IARS2: variants seen among roughly 807,000 people sequenced by gnomAD.
IARS2 encodes the protein isoleucine--tRNA ligase, mitochondrial.
In IARS2, 56 loss-of-function variants were observed where a neutral mutation model predicts 126.3. The ratio of observed to expected loss-of-function variants is 0.44; its 90% CI spans 0.36 to 0.55. IARS2 has a LOEUF of 0.55. Among genes scored for constraint, IARS2 ranks in the 20% least tolerant of loss-of-function variants. The pLI, the probability that IARS2 is intolerant of heterozygous loss-of-function variation, is 0.00. For synonymous variants in IARS2, 407 were observed against 441.1 expected, an observed-to-expected ratio of 0.92 and a Z score of 0.97; for missense variants, 1,127 against 1,245.9, an observed-to-expected ratio of 0.90 and a Z score of 1.44.
intron 14 of IARS2, among the ~76,000 whole-genome samples, chr1:220,128,530 C>T (rs1657197485): frequency 6.6e-6 from 1 of 152,052 alleles, no homozygotes; most frequent in South Asian, 2.1e-4. Context: ...ATGAAATCAC[C>T]TAAGGACACA....
intron 11 of IARS2, among the ~76,000 whole-genome samples, chr1:220,112,100 T>A (rs1656814838): frequency 6.6e-6 from 1 of 151,974 alleles, no homozygotes; most frequent in African/African-American, 2.4e-5. Context: ...ATTTTGTTTT[T>A]ATCTACACCC....
At chr1:220,119,018 G>A (rs1656983743) in intron 12 of IARS2, among the ~76,000 whole-genome samples, 1 of 152,138 alleles carries the variant, frequency 6.6e-6, no homozygotes, top group Non-Finnish European at 1.5e-5. Flanking sequence ...CAGAAGAAAA[G>A]TTGTCTTAAT....
chr1:220,096,905 G>A (rs562920434), intron 2 of IARS2, among the ~76,000 whole-genome samples: 1 of 152,116 alleles, frequency 6.6e-6, no homozygotes, highest in South Asian at 2.1e-4. Flanking sequence ...AATTAGCCAC[G>A]CATGGTGGCG....
intron 21 of IARS2, chr1:220,143,910 A>T: frequency 2.3e-6 from 2 of 878,552 alleles, no homozygotes; most frequent in Non-Finnish European, 3.6e-6. Flanking sequence ...AATGAATATA[A>T]TTTTTTTTCC....
At chr1:220,120,389 T>C (rs1657015322) in intron 12 of IARS2, among the ~76,000 whole-genome samples, 1 of 151,708 alleles carries the variant, frequency 6.6e-6, no homozygotes, top group Non-Finnish European at 1.5e-5. Context: ...GCCTTTTTTT[T>C]TTTTGAGATG....
chr1:220,143,943 A>G, intron 21 of IARS2: 1 of 1,192,266 alleles, frequency 8.4e-7, no homozygotes. Context: ...ATTTGTAAAT[A>G]TATGTATTAC....
intron 16 of IARS2, among the ~76,000 whole-genome samples, chr1:220,137,209 T>G (rs1295048843): frequency 6.6e-6 from 1 of 152,202 alleles, no homozygotes; most frequent in Non-Finnish European, 1.5e-5. Flanking sequence ...TTCGCACTAT[T>G]GTGTGAGGTG....
At position 220,147,509 on chromosome 1, in the gene IARS2, A is replaced by G. The variant is rs779709549; in HGVS notation, c.2913A>G (p.Glu971=). ...TTTTTATAGGTGGTGATATTCGTGA[A>G]GAGTCTTCCTATAAAGTAATTGTCA... The part of the protein sequence containing the change: ...LINLEGGDIR[E]ESSYKVIVMP... The change falls in exon 23 of 23, where the codon GAA becomes GAG. Residue 971 remains glutamate (E), a synonymous_variant. Transcript: ENST00000366922. 1 of 1,614,146 alleles carries G rather than the reference A, an allele frequency of 6.2e-7. No homozygotes were observed. The highest frequency in any genetic ancestry group is 8.5e-7 in the Non-Finnish European group (1 of 1,179,960).
chr1:220,120,381 CTT>C (rs545771444), intron 12 of IARS2, among the ~76,000 whole-genome samples: 5 of 137,500 alleles, frequency 3.6e-5, no homozygotes, highest in African/African-American at 2.7e-5. Flanking sequence ...CGCGCCCGGC[CTT>C]TTTTTTTTTT....
chr1:220,134,671 G>A (rs932585868), intron 15 of IARS2, 161 bp downstream of exon 15: 1 of 425,048 alleles, frequency 2.4e-6, no homozygotes, highest in Non-Finnish European at 4.2e-6. Context: ...CAACACCAAG[G>A]TGTCTTGTGA....
At chr1:220,111,573 T>C (rs1419137841) in intron 11 of IARS2, among the ~76,000 whole-genome samples, 1 of 139,988 alleles carries the variant, frequency 7.1e-6, no homozygotes, top group Non-Finnish European at 1.5e-5. Flanking sequence ...TCTTTCTATA[T>C]GGGTATATAT....
Position 220,141,728 on chromosome 1 carries a change from C to T in IARS2, c.2415-75C>T, listed in dbSNP as rs765178212. The T allele has an allele frequency of 3.4e-6, 5 of 1,463,834 alleles. No individual in the cohort carries two copies. In the Admixed American group the frequency reaches 7.3e-5, roughly 21 times the overall value. 90.7% of individuals were successfully genotyped at this position (1,463,834 alleles called of 1,614,324 possible). A position where few individuals can be genotyped will look rare whatever the true frequency, so the allele number is the denominator to read the frequency against. On this transcript the variant is annotated intron_variant, in intron 19 of 22. Transcript: ENST00000366922. ...GATTAGCCACTAGGAATAAACTCAA[C>T]CTGAGGCAGGTCCCATCTAGGTGAC...
At chr1:220,137,780 C>T (rs1657408477) in intron 16 of IARS2, 138 bp from the exon 17 acceptor site, 1 of 825,390 alleles carries the variant, frequency 1.2e-6, no homozygotes, top group Non-Finnish European at 1.9e-6. Context: ...TGTTAGCCCG[C>T]ATTTCATTAC....
In IARS2 at chr1:220,141,878, A is replaced by G. The variant is rs775700280; in HGVS notation, c.2490A>G (p.Ile830Met). 8.7e-6 allele frequency: 14 copies of G among 1,614,042 alleles called. No homozygotes were observed. In the African/African-American group the frequency reaches 1.9e-4, roughly 22 times the overall value. ...CATTAGTTGAAATTTTGGATGTAAT[A>G]GTTCGTTCTTTTGCTCCCATTCTTC... ...QTALVEILDVIVRSFAPILPH... is the reference protein window; with the variant it reads ...QTALVEILDVMVRSFAPILPH... The change falls in exon 20 of 23, where the codon ATA becomes ATG. Residue 830 changes from isoleucine to methionine, a missense_variant. Ile to Met is a conservative substitution (Grantham distance 10). Transcript: ENST00000366922.
chr1:220,122,839 C>T (rs957211798), intron 12 of IARS2, among the ~76,000 whole-genome samples: 8 of 151,438 alleles, frequency 5.3e-5, no homozygotes, highest in East Asian at 3.9e-4. Context: ...ACTTTTACTT[C>T]GATATTATTT....
chr1:220,126,852 TAAAAA>T lies in IARS2; in HGVS notation c.1837+10_1837+14del, dbSNP rs747196976. 7.0e-6 allele frequency: 11 copies of T among 1,570,378 alleles called. No individual in the cohort carries two copies. Among genetic ancestry groups the T allele is most frequent in the Non-Finnish European group, 9.6e-6 (11 of 1,147,440 alleles). The stretch of plus-strand genomic sequence containing the variant: ...GTCTTATGTTCTTCCAGGTAATTCT[TAAAAA>T]TAGATATATGCCGATCAAGAAGTTT... On this transcript the variant is annotated intron_variant, in intron 14 of 22. Transcript: ENST00000366922.
chr1:220,104,411 T>C (rs1230300211), intron 8 of IARS2, among the ~76,000 whole-genome samples: 2 of 152,234 alleles, frequency 1.3e-5, no homozygotes, highest in Non-Finnish European at 2.9e-5. Context: ...TGAGACGTGG[T>C]CTTGCTCTGT....
chr1:220,099,819 C>A (rs973484110), intron 2 of IARS2, among the ~76,000 whole-genome samples: 1 of 151,960 alleles, frequency 6.6e-6, no homozygotes, highest in Admixed American at 6.6e-5. Context: ...ATGTGACAAC[C>A]ACTCAGATCA....
chr1:220,139,250 C>T, intron 18 of IARS2, 111 bp downstream of exon 18: 1 of 722,366 alleles, frequency 1.4e-6, no homozygotes, highest in Non-Finnish European at 2.1e-6. Flanking sequence ...GTAACTATAG[C>T]ACTCTTGAAG....
Sources: allele counts gnomAD v4.1 joint callset (sites outside exome capture counted in the v4.1 genomes callset), GRCh38; gene constraint gnomAD v4.1.1; transcripts MANE v1.5; gene names NCBI Gene and HGNC (gene_info 2026-07-23, HGNC 2026-07-21).